Variants in CCDC102B observed in about 807,000 individuals in gnomAD.
CCDC102B encodes coiled-coil domain-containing protein 102B.
In CCDC102B, 75 loss-of-function variants were observed where a neutral mutation model predicts 57.4. The ratio of observed to expected loss-of-function variants is 1.31; its 90% confidence interval spans 1.08 to 1.58. The LOEUF (loss-of-function observed/expected upper bound fraction) is 1.58, where lower values mean the gene tolerates loss of function less well. CCDC102B is among the 40% of genes most tolerant of loss of function. The pLI, the probability that CCDC102B is intolerant of heterozygous loss-of-function variation, is 0.00. For synonymous variants in CCDC102B, 206 were observed against 201.9 expected, an observed-to-expected ratio of 1.02 and a Z score of -0.17; for missense variants, 636 against 582.6, an observed-to-expected ratio of 1.09 and a Z score of -0.94.
chr18:68,751,434 A>G (rs1352975016), intron 2 of CCDC102B, among the ~76,000 whole-genome samples: 1 of 152,182 alleles, frequency 6.6e-6, no homozygotes, highest in Non-Finnish European at 1.5e-5. Context: ...GCACTTCAGC[A>G]CTATGCTTGG....
At chr18:68,794,205 G>A (rs1441144083), upstream of CCDC102B, among the ~76,000 whole-genome samples, 1 of 152,016 alleles carries the variant, frequency 6.6e-6, no homozygotes, top group African/African-American at 2.4e-5. Flanking sequence ...CTCAATGTGT[G>A]GCTTGCATCT....
chr18:68,894,890 G>T (rs2145007598), intron 5 of CCDC102B, among the ~76,000 whole-genome samples: 1 of 151,590 alleles, frequency 6.6e-6, no homozygotes, highest in East Asian at 1.9e-4. Context: ...TTAAAACCTT[G>T]GTTCTACTTG....
At chr18:68,977,234 C>G (rs1465950200) in intron 6 of CCDC102B, among the ~76,000 whole-genome samples, 2 of 151,890 alleles carry the variant, frequency 1.3e-5, no homozygotes, top group Non-Finnish European at 2.9e-5. Context: ...TTGGGGTTAG[C>G]TTGTTTACAC....
intron 6 of CCDC102B, among the ~76,000 whole-genome samples, chr18:68,969,202 C>A (rs1254260668): frequency 1.3e-5 from 2 of 152,110 alleles, no homozygotes; most frequent in African/African-American, 4.8e-5. Context: ...CATCCAGGTT[C>A]CTGACTGAAT....
chr18:69,041,511 A>G lies in CCDC102B; in HGVS notation c.1435-12519A>G, dbSNP rs367914822. Among the ~76,000 whole-genome samples, 27 of 152,082 alleles carry G rather than the reference A, an allele frequency of 1.8e-4. No individual in the cohort carries two copies. In the East Asian group the frequency reaches 3.1e-3, roughly 17 times the overall value. On this transcript the variant is annotated intron_variant, in intron 7 of 7. Coordinates refer to ENST00000360242, the MANE Select transcript of CCDC102B (RefSeq NM_024781.3). ...ACTGTTTCATCTTCCTGCTTCCCCT[A>G]TGGACTCCTTATAAATGATTGGCCG...
Position 68,913,310 on chromosome 18 carries a change from CTGTG to C in CCDC102B, c.1263+15913_1263+15916del, listed in dbSNP as rs57064090. 8.4e-3 allele frequency among the ~76,000 whole-genome samples: 1,134 copies of C among 135,588 alleles called. 5 individuals carry two copies. Among genetic ancestry groups the C allele is most frequent in the Admixed American group, 0.015 (203 of 13,304 alleles). 89.0% of individuals were successfully genotyped at this position (135,588 alleles called of 152,430 possible). ...TAATTTTCCATTGGATGGTTAGTGT[CTGTG>C]TGTGTGTGTGTGTGTGTGTGTGTGT... On this transcript the variant is annotated intron_variant, in intron 6 of 7. Coordinates refer to ENST00000360242, the MANE Select transcript of CCDC102B (RefSeq NM_024781.3).
intron 7 of CCDC102B, among the ~76,000 whole-genome samples, chr18:69,046,334 C>A (rs1395488626): frequency 6.6e-6 from 1 of 152,096 alleles, no homozygotes; most frequent in Non-Finnish European, 1.5e-5. Flanking sequence ...TTTTTATTTG[C>A]ATTTCTCTAA....
intron 2 of CCDC102B, among the ~76,000 whole-genome samples, chr18:68,728,930 A>G (rs1476892220): frequency 6.6e-6 from 1 of 150,864 alleles, no homozygotes; most frequent in African/African-American, 2.5e-5. Context: ...AAGGCACCAT[A>G]TATTGATTTT....
chr18:68,972,664 G>C (rs971182029), intron 6 of CCDC102B, among the ~76,000 whole-genome samples: 2 of 152,148 alleles, frequency 1.3e-5, no homozygotes, highest in Non-Finnish European at 2.9e-5. Flanking sequence ...TCTGCACAGA[G>C]AGACATTAGG....
chr18:68,994,411 A>G (rs2050959656), intron 6 of CCDC102B, among the ~76,000 whole-genome samples: 1 of 152,046 alleles, frequency 6.6e-6, no homozygotes, highest in Non-Finnish European at 1.5e-5. Flanking sequence ...GTACAGGGAC[A>G]CACTCTCATA....
At position 68,993,595 on chromosome 18, in the gene CCDC102B, A is replaced by G. The variant is rs149442557; in HGVS notation, c.1264-17339A>G. On this transcript the variant is annotated intron_variant, in intron 6 of 7. Transcript: ENST00000360242. ...ATTTAAATGACCGATTTTATCCTATATAATTCTGCAGCTTGCTTTTGACAC... is the reference window on the plus strand; with the variant it reads ...ATTTAAATGACCGATTTTATCCTATGTAATTCTGCAGCTTGCTTTTGACAC... 2.5e-3 allele frequency among the ~76,000 whole-genome samples: 388 copies of G among 152,336 alleles called. 2 individuals carry two copies. Among genetic ancestry groups the G allele is most frequent in the African/African-American group, 7.7e-3 (319 of 41,576 alleles).
intron 2 of CCDC102B, among the ~76,000 whole-genome samples, chr18:68,782,486 A>T (rs1437826916): frequency 5.3e-5 from 8 of 152,182 alleles, no homozygotes; most frequent in Admixed American, 5.2e-4. Context: ...TTAGTGCTTT[A>T]TTTAATTAGC....
chr18:68,842,439 A>G (rs1014208086), intron 3 of CCDC102B, among the ~76,000 whole-genome samples: 1 of 152,008 alleles, frequency 6.6e-6, no homozygotes, highest in African/African-American at 2.4e-5. Context: ...GCCAAATGAA[A>G]CAGAGTCTAC....
intron 4 of CCDC102B, among the ~76,000 whole-genome samples, chr18:68,874,206 G>A (rs374858122): frequency 0.069 from 5,412 of 78,094 alleles, 159 homozygotes; most frequent in African/African-American, 0.12. Flanking sequence ...GTGTGTGTGT[G>A]TGTGTGTATA....
intron 6 of CCDC102B, chr18:68,897,693 G>T: frequency 7.8e-7 from 1 of 1,279,272 alleles, no homozygotes; most frequent in Non-Finnish European, 1.0e-6. Flanking sequence ...GTAAGAAATA[G>T]AACTTTCTGG....
chr18:68,899,465 A>G (rs2040361501), intron 6 of CCDC102B, among the ~76,000 whole-genome samples: 1 of 152,038 alleles, frequency 6.6e-6, no homozygotes, highest in African/African-American at 2.4e-5. Context: ...TATGAGTACC[A>G]TGTCTATATA....
intron 6 of CCDC102B, among the ~76,000 whole-genome samples, chr18:68,973,121 TA>T (rs1271586551): frequency 2.6e-5 from 4 of 152,134 alleles, no homozygotes; most frequent in African/African-American, 9.7e-5. Flanking sequence ...TGGAGGTCCT[TA>T]ATCCTTAAAT....
At chr18:68,911,751 CA>C (rs74175338) in intron 6 of CCDC102B, among the ~76,000 whole-genome samples, 300 of 18,004 alleles carry the variant, frequency 0.017, no homozygotes, top group African/African-American at 0.028. Flanking sequence ...GACTCCGTCT[CA>C]AAAAAAAAAA....
chr18:68,994,101 T>C (rs1272511925), intron 6 of CCDC102B, among the ~76,000 whole-genome samples: 1 of 35,282 alleles, frequency 2.8e-5, no homozygotes, highest in Non-Finnish European at 2.6e-4. Context: ...CATTTATTTG[T>C]AATTTTTATT....
Sources: allele counts gnomAD v4.1 joint callset (sites outside exome capture counted in the v4.1 genomes callset), GRCh38; gene constraint gnomAD v4.1.1; transcripts MANE v1.5; gene names NCBI Gene and HGNC (gene_info 2026-07-23, HGNC 2026-07-21).